NDUFS4: variants seen among roughly 807,000 people sequenced by gnomAD.
NDUFS4 encodes NADH:ubiquinone oxidoreductase subunit S4.
A neutral mutation model predicts 24.3 loss-of-function variants in NDUFS4; 28 were observed. The observed-to-expected ratio is 1.15, with a 90% CI of 0.85 to 1.58. The LOEUF (loss-of-function observed/expected upper bound fraction) is 1.58, where lower values mean the gene tolerates loss of function less well. NDUFS4 is among the 40% of genes most tolerant of loss of function. The pLI, the probability that NDUFS4 is intolerant of heterozygous loss-of-function variation, is 0.00. For missense variants in NDUFS4, 223 were observed against 207.9 expected, an observed-to-expected ratio of 1.07 and a Z score of -0.45; for synonymous variants, 93 against 69.7, an observed-to-expected ratio of 1.34 and a Z score of -1.67.
chr5:53,663,419 T>G (rs923132283), intron 4 of NDUFS4, among the ~76,000 whole-genome samples: 1 of 152,186 alleles, frequency 6.6e-6, no homozygotes, highest in Non-Finnish European at 1.5e-5. Flanking sequence ...CTGTCTAATG[T>G]TGACAGTGGG....
At chr5:53,625,592 T>G (rs753446104) in intron 2 of NDUFS4, among the ~76,000 whole-genome samples, 1 of 152,220 alleles carries the variant, frequency 6.6e-6, no homozygotes, top group Non-Finnish European at 1.5e-5. Flanking sequence ...TTGTCCTGTC[T>G]TCAAATTTAC....
At chr5:53,659,143 C>T (rs1199060738) in intron 4 of NDUFS4, among the ~76,000 whole-genome samples, 1 of 152,088 alleles carries the variant, frequency 6.6e-6, no homozygotes, top group African/African-American at 2.4e-5. Flanking sequence ...GGGCCTAATA[C>T]CAAGCCTAAT....
chr5:53,563,028 G>C (rs1474736927), intron 1 of NDUFS4, among the ~76,000 whole-genome samples: 1 of 151,990 alleles, frequency 6.6e-6, no homozygotes, highest in Non-Finnish European at 1.5e-5. Context: ...AGGAGATCGA[G>C]ACCATCCTGG....
chr5:53,599,618 C>A (rs1750247390), intron 1 of NDUFS4, among the ~76,000 whole-genome samples: 1 of 151,232 alleles, frequency 6.6e-6, no homozygotes, highest in Non-Finnish European at 1.5e-5. Context: ...TGTTTGAGTT[C>A]TTCTTTTAAA....
chr5:53,660,216 C>T (rs1159402961), intron 4 of NDUFS4, among the ~76,000 whole-genome samples: 1 of 144,886 alleles, frequency 6.9e-6, no homozygotes, highest in Non-Finnish European at 1.5e-5. Flanking sequence ...TCTCATTGTT[C>T]AATTCCCCAC....
chr5:53,656,375 GAA>G (rs1301278627), intron 3 of NDUFS4, among the ~76,000 whole-genome samples: 1 of 152,030 alleles, frequency 6.6e-6, no homozygotes, highest in African/African-American at 2.4e-5. Context: ...AAAAATAAAA[GAA>G]CAAATTATCT....
intron 2 of NDUFS4, among the ~76,000 whole-genome samples, chr5:53,622,926 T>C (rs185616134): frequency 5.9e-5 from 9 of 152,292 alleles, no homozygotes; most frequent in African/African-American, 1.7e-4. Flanking sequence ...TATTATACTT[T>C]CTGTGTTATA....
chr5:53,668,576 A>G (rs1260350738), intron 4 of NDUFS4, among the ~76,000 whole-genome samples: 1 of 150,908 alleles, frequency 6.6e-6, no homozygotes, highest in Non-Finnish European at 1.5e-5. Context: ...CTCCTGCCTC[A>G]GCTTCCTGGA....
chr5:53,563,124 G>T (rs1437919651), intron 1 of NDUFS4, among the ~76,000 whole-genome samples: 1 of 151,876 alleles, frequency 6.6e-6, no homozygotes, highest in Non-Finnish European at 1.5e-5. Context: ...AGCTACTCAG[G>T]AGGCTGAGGC....
At chr5:53,625,853 G>A (rs371718379) in intron 2 of NDUFS4, among the ~76,000 whole-genome samples, 1 of 151,730 alleles carries the variant, frequency 6.6e-6, no homozygotes, top group East Asian at 1.9e-4. Flanking sequence ...TTTTGTTATT[G>A]TAGTTGTTGT....
chr5:53,662,971 T>A (rs1443793072), intron 4 of NDUFS4, among the ~76,000 whole-genome samples: 1 of 152,106 alleles, frequency 6.6e-6, no homozygotes, highest in Non-Finnish European at 1.5e-5. Context: ...TGCTATAAAT[T>A]TCCCTCTACA....
intron 2 of NDUFS4, among the ~76,000 whole-genome samples, chr5:53,627,234 G>T (rs1751257316): frequency 1.3e-5 from 2 of 152,076 alleles, no homozygotes; most frequent in African/African-American, 2.4e-5. Flanking sequence ...TGTTCCATTG[G>T]TCTATATATC....
intron 1 of NDUFS4, among the ~76,000 whole-genome samples, chr5:53,602,454 T>A (rs1750355602): frequency 6.6e-6 from 1 of 152,166 alleles, no homozygotes; most frequent in South Asian, 2.1e-4. Context: ...GTAAAACCTC[T>A]TGTATTATGT....
chr5:53,616,404 G>C (rs1226045425), intron 2 of NDUFS4, among the ~76,000 whole-genome samples: 1 of 152,112 alleles, frequency 6.6e-6, no homozygotes. Flanking sequence ...ACAGAGAATA[G>C]CTGGGGTTTG....
At chr5:53,606,560 T>A (rs1244963412) in intron 2 of NDUFS4, among the ~76,000 whole-genome samples, 1 of 152,186 alleles carries the variant, frequency 6.6e-6, no homozygotes, top group Non-Finnish European at 1.5e-5. Context: ...AGAGACGGTT[T>A]CACCCTGTTG....
At chr5:53,610,456 G>T (rs1338395852) in intron 2 of NDUFS4, among the ~76,000 whole-genome samples, 1 of 152,036 alleles carries the variant, frequency 6.6e-6, no homozygotes, top group Non-Finnish European at 1.5e-5. Flanking sequence ...TTGTCAAAAT[G>T]TGACACAAAG....
chr5:53,681,910 TACTA>T (rs774466523), intron 4 of NDUFS4, among the ~76,000 whole-genome samples: 2 of 152,262 alleles, frequency 1.3e-5, no homozygotes, highest in Middle Eastern at 3.4e-3. Context: ...TAAAACTGAA[TACTA>T]ACTAAGGGAC....
chr5:53,643,943 C>T (rs1351309460), intron 2 of NDUFS4, among the ~76,000 whole-genome samples: 4 of 152,000 alleles, frequency 2.6e-5, no homozygotes, highest in Non-Finnish European at 4.4e-5. Flanking sequence ...TGCTGTAATT[C>T]GAGAAGACAT....
intron 2 of NDUFS4, among the ~76,000 whole-genome samples, chr5:53,606,934 A>G (rs899223326): frequency 1.3e-5 from 2 of 152,262 alleles, no homozygotes; most frequent in Non-Finnish European, 2.9e-5. Flanking sequence ...ACAATACCTA[A>G]TACAGTGTAA....
Sources: gnomAD v4.1 joint callset for allele counts (sites outside exome capture counted in the v4.1 genomes callset) on GRCh38, gnomAD v4.1.1 for gene constraint, MANE v1.5 for transcripts, NCBI Gene and HGNC (gene_info 2026-07-23, HGNC 2026-07-21) for gene names.